SLC24A3: variants seen among roughly 807,000 people sequenced by gnomAD.
The protein encoded by SLC24A3 is sodium/potassium/calcium exchanger 3.
A neutral mutation model predicts 75.8 loss-of-function variants in SLC24A3; 28 were observed. The ratio of observed to expected loss-of-function variants is 0.37; its 90% CI spans 0.27 to 0.51. The LOEUF (loss-of-function observed/expected upper bound fraction) is 0.51. SLC24A3 is among the 20% of genes least tolerant of loss of function. The probability of loss-of-function intolerance (pLI) is 0.94; values close to 1 mark genes in which losing one functional copy is unlikely to be tolerated. For synonymous variants in SLC24A3, 372 were observed against 334.1 expected, an observed-to-expected ratio of 1.11 and a Z score of -1.24; for missense variants, 663 against 847.8, an observed-to-expected ratio of 0.78 and a Z score of 2.71.
chr20:19,287,751 C>A (rs560945900), intron 2 of SLC24A3, among the ~76,000 whole-genome samples: 1 of 152,134 alleles, frequency 6.6e-6, no homozygotes, highest in African/African-American at 2.4e-5. Context: ...AAGAACCCTG[C>A]GGAAAATAAT....
At chr20:19,699,316 G>A (rs750500890) in intron 15 of SLC24A3, among the ~76,000 whole-genome samples, 2 of 152,234 alleles carry the variant, frequency 1.3e-5, no homozygotes, top group Admixed American at 6.5e-5. Context: ...ACGCCCTGGC[G>A]GGGAGAGGGG....
intron 2 of SLC24A3, among the ~76,000 whole-genome samples, chr20:19,476,156 T>C (rs1182676180): frequency 3.3e-5 from 5 of 152,374 alleles, no homozygotes; most frequent in Admixed American, 6.5e-5. Flanking sequence ...GCCCAATGTC[T>C]TCCTTGCTGG....
intron 2 of SLC24A3, among the ~76,000 whole-genome samples, chr20:19,285,030 C>T (rs1983773593): frequency 6.6e-6 from 1 of 152,180 alleles, no homozygotes; most frequent in Non-Finnish European, 1.5e-5. Flanking sequence ...CCTCTCCCCT[C>T]CTCCCCTTCC....
At chr20:19,414,161 G>A (rs7260974) in intron 2 of SLC24A3, among the ~76,000 whole-genome samples, 5,013 of 152,268 alleles carry the variant, frequency 0.033, 253 homozygotes, top group African/African-American at 0.11. Flanking sequence ...AATGATGGTC[G>A]AAGAAAGGGG....
At chr20:19,514,337 A>G (rs1431722873) in intron 2 of SLC24A3, among the ~76,000 whole-genome samples, 1 of 152,156 alleles carries the variant, frequency 6.6e-6, no homozygotes, top group Non-Finnish European at 1.5e-5. Flanking sequence ...ATAGCTCCAC[A>G]TCCTTGTCGG....
chr20:19,439,879 G>A (rs1468514456), intron 2 of SLC24A3, among the ~76,000 whole-genome samples: 1 of 152,164 alleles, frequency 6.6e-6, no homozygotes, highest in Admixed American at 6.5e-5. Context: ...GGTTGAATTC[G>A]GTCTTAAACT....
intron 6 of SLC24A3, among the ~76,000 whole-genome samples, chr20:19,647,764 C>T (rs1379553573): frequency 1.3e-5 from 2 of 152,198 alleles, no homozygotes; most frequent in African/African-American, 2.4e-5. Flanking sequence ...GGTTATTGTT[C>T]AGCAAGATCA....
At chr20:19,326,263 C>A (rs966254653) in intron 2 of SLC24A3, among the ~76,000 whole-genome samples, 2 of 151,988 alleles carry the variant, frequency 1.3e-5, no homozygotes, top group African/African-American at 4.8e-5. Context: ...TGGTGAAGCA[C>A]CCAGAGGACC....
intron 3 of SLC24A3, among the ~76,000 whole-genome samples, chr20:19,568,206 C>A (rs1014121177): frequency 1.3e-5 from 2 of 152,178 alleles, no homozygotes; most frequent in African/African-American, 4.8e-5. Flanking sequence ...AATGGTGCAG[C>A]TGCTGTGGAA....
At chr20:19,682,710 C>T (rs1035582577) in intron 10 of SLC24A3, among the ~76,000 whole-genome samples, 2 of 152,198 alleles carry the variant, frequency 1.3e-5, no homozygotes, top group Non-Finnish European at 2.9e-5. Context: ...GTGCAATGCT[C>T]TATAAATGAC....
rs185111738 is a variant in SLC24A3, at chr20:19,341,878, T to C, written c.271+60791T>C. 4.6e-4 allele frequency among the ~76,000 whole-genome samples: 70 copies of C among 152,322 alleles called. 1 individual carries two copies. The East Asian group carries it at 0.012, about 25-fold the overall frequency. On this transcript the variant is annotated intron_variant, in intron 2 of 16. Coordinates refer to ENST00000328041, the MANE Select transcript of SLC24A3 (RefSeq NM_020689.4). ...GGGCAGCTCCTAGTGCCAGCTGCTG[T>C]GTCCTTGTCATTGTCTCTGTGTGTT...
chr20:19,240,284 C>A (rs1392652781), intron 1 of SLC24A3, among the ~76,000 whole-genome samples: 1 of 152,120 alleles, frequency 6.6e-6, no homozygotes, highest in Non-Finnish European at 1.5e-5. Flanking sequence ...GCCATTGCAG[C>A]CTCAATGGTG....
At chr20:19,662,610 T>G (rs912328888) in intron 7 of SLC24A3, among the ~76,000 whole-genome samples, 3 of 152,242 alleles carry the variant, frequency 2.0e-5, no homozygotes. Context: ...GAACTGCGGG[T>G]GCAACTTGTT....
intron 3 of SLC24A3, among the ~76,000 whole-genome samples, chr20:19,566,726 G>C (rs2030964893): frequency 1.3e-5 from 2 of 152,218 alleles, no homozygotes; most frequent in Non-Finnish European, 2.9e-5. Context: ...CTAGAATCAT[G>C]CTTCACAGAG....
chr20:19,299,731 G>A (rs75627077), intron 2 of SLC24A3, among the ~76,000 whole-genome samples: 5,348 of 152,314 alleles, frequency 0.035, 140 homozygotes, highest in Non-Finnish European at 0.05. Flanking sequence ...CAGAAGCACA[G>A]TCTGTTCTGG....
intron 3 of SLC24A3, among the ~76,000 whole-genome samples, chr20:19,566,002 G>A (rs2030951280): frequency 6.6e-6 from 1 of 152,344 alleles, no homozygotes; most frequent in African/African-American, 2.4e-5. Context: ...ATCAAGCACT[G>A]AGCCCAGGGC....
At chr20:19,677,698 T>C (rs1295957620) in intron 9 of SLC24A3, among the ~76,000 whole-genome samples, 1 of 150,712 alleles carries the variant, frequency 6.6e-6, no homozygotes, top group Non-Finnish European at 1.5e-5. Context: ...TTTTTTTTTT[T>C]TTTTTTTTAA....
chr20:19,228,897 T>G (rs1228304072), intron 1 of SLC24A3, among the ~76,000 whole-genome samples: 1 of 152,216 alleles, frequency 6.6e-6, no homozygotes, highest in South Asian at 2.1e-4. Context: ...GGTTTTGGTG[T>G]CAGGATCACA....
chr20:19,393,871 C>T (rs1179549892), intron 2 of SLC24A3, among the ~76,000 whole-genome samples: 1 of 152,102 alleles, frequency 6.6e-6, no homozygotes, highest in Non-Finnish European at 1.5e-5. Context: ...CCCTAAAATT[C>T]ATATAGAATC....
Sources: allele counts gnomAD v4.1 joint callset (sites outside exome capture counted in the v4.1 genomes callset), GRCh38; gene constraint gnomAD v4.1.1; transcripts MANE v1.5; gene names NCBI Gene and HGNC (gene_info 2026-07-23, HGNC 2026-07-21).